The following ZNF335 variants were observed in gnomAD, a reference collection of about 807,000 sequenced individuals.
The protein encoded by ZNF335 is zinc finger protein 335.
In ZNF335, 84 loss-of-function variants were observed where a neutral mutation model predicts 145.6. The ratio of observed to expected loss-of-function variants is 0.58; its 90% confidence interval spans 0.48 to 0.69. The LOEUF is 0.69. ZNF335 is among the 30% of genes least tolerant of loss of function. ZNF335 has a pLI of 0.00. For synonymous variants in ZNF335, 761 were observed against 717.0 expected (o/e 1.06, Z -0.98); for missense variants, 1,865 against 1,809.7 (o/e 1.03, Z -0.55).
chr20:45,956,305 C>A (rs1441831841), intron 17 of ZNF335, among the ~76,000 whole-genome samples: 3 of 151,730 alleles, frequency 2.0e-5, no homozygotes, highest in African/African-American at 7.3e-5. Flanking sequence ...CTCGGCTCAC[C>A]GTAACCTCCG....
In ZNF335 at chr20:45,949,387, G is replaced by C. The variant is rs373911621; in HGVS notation, c.3765C>G (p.Gly1255=). ...PEGHHIQVQE[G]QITHIQYEQG... is the part of the protein sequence containing the mutation. ...GTTCATACTGGATGTGTGTGATCTG[G>C]CCCTCCTGTACCTGCAGAGAGGAAG... The change falls in exon 26 of 28, where the codon GGC becomes GGG. Residue 1255 remains glycine (G), a synonymous_variant. Transcript: ENST00000322927. 8.1e-6 allele frequency: 13 copies of C among 1,613,972 alleles called. No individual in the cohort carries two copies. Among genetic ancestry groups the C allele is most frequent in the Non-Finnish European group, 1.1e-5 (13 of 1,180,030 alleles).
In ZNF335 at chr20:45,950,340, G is replaced by C. The variant is rs1055761936; in HGVS notation, c.3366C>G (p.Ile1122Met). Reference protein sequence around the residue: ...FNRNGHLKFHIQRLHSPDGRK... With the variant: ...FNRNGHLKFHMQRLHSPDGRK... ...TCCCATCAGGACTGTGCAGCCGCTGGATGTGGAACTTGAGGTGCCCGTTAC... is the reference window on the plus strand; with the variant it reads ...TCCCATCAGGACTGTGCAGCCGCTGCATGTGGAACTTGAGGTGCCCGTTAC... The change falls in exon 22 of 28, where the codon ATC becomes ATG. Residue 1122 changes from isoleucine (I) to methionine (M), a missense_variant. Physicochemically the swap from Ile to Met is conservative, Grantham distance 10. Coordinates refer to ENST00000322927, the MANE Select transcript of ZNF335 (RefSeq NM_022095.4). 3 of 1,585,438 alleles carry C rather than the reference G, an allele frequency of 1.9e-6. No individual in the cohort carries two copies. The highest frequency in any genetic ancestry group is 2.6e-6 in the Non-Finnish European group (3 of 1,163,406).
intron 2 of ZNF335, among the ~76,000 whole-genome samples, chr20:45,970,526 G>A (rs1396417670): frequency 5.3e-5 from 8 of 152,154 alleles, no homozygotes; most frequent in African/African-American, 1.4e-4. Flanking sequence ...TACAGACGAG[G>A]AAACAGAGCT....
chr20:45,950,895 G>T (rs1292394867), intron 20 of ZNF335, among the ~76,000 whole-genome samples: 1 of 152,006 alleles, frequency 6.6e-6, no homozygotes, highest in Non-Finnish European at 1.5e-5. Flanking sequence ...ATCGGGCCCT[G>T]AATTTTTTTT....
Position 45,960,623 on chromosome 20 carries a change from C to T in ZNF335, c.1775G>A (p.Cys592Tyr), listed in dbSNP as rs1368432056. ...KTHSTEKPHM[C>Y]DKCGKSFKKR... is the part of the protein sequence containing the mutation. ...GCCCTGGCTCCCACCCACCTTGTCA[C>T]ACATGTGGGGCTTCTCAGTGCTGTG... Residue 592 changes from cysteine to tyrosine, a missense_variant, in exon 12 of 28, where the codon TGT becomes TAT. Transcript: ENST00000322927. 6.8e-6 allele frequency: 11 copies of T among 1,614,024 alleles called. No homozygotes were observed. Among genetic ancestry groups the T allele is most frequent in the Non-Finnish European group, 8.5e-7 (1 of 1,180,002 alleles).
Position 45,965,781 on chromosome 20 carries a change from G to T in ZNF335, c.956-7C>A, listed in dbSNP as rs987913040. 4 of 1,597,444 alleles carry T rather than the reference G, an allele frequency of 2.5e-6. No homozygotes were observed. The Admixed American group carries it at 6.9e-5, about 27-fold the overall frequency. ...GGATTATAGTCGCTATCCTCTGTGGGGGACAGTAAAGTTGGTGAACAGTGA... is the reference window on the plus strand; with the variant it reads ...GGATTATAGTCGCTATCCTCTGTGGTGGACAGTAAAGTTGGTGAACAGTGA... On this transcript the variant is annotated splice_polypyrimidine_tract_variant and splice_region_variant and intron_variant, in intron 6 of 27. Transcript: ENST00000322927.
In ZNF335 at chr20:45,952,700, G is replaced by C; in HGVS notation, c.2712C>G (p.Pro904=). The change falls in exon 19 of 28, where the codon CCC becomes CCG. Residue 904 remains proline, a synonymous_variant. Transcript: ENST00000322927. ...CCACAGCCTGGGCTGCCTCTCCTGC[G>C]GGCTCCTCGCTGTGGGCATGGAGAA... is the stretch of plus-strand genomic sequence containing the variant. The part of the protein sequence containing the change: ...SAPGTPYSEE[P]AGEAAQAVVV... 1 of 1,613,560 alleles carries C rather than the reference G, an allele frequency of 6.2e-7. No individual in the cohort carries two copies. Among genetic ancestry groups the C allele is most frequent in the Non-Finnish European group, 8.5e-7 (1 of 1,179,956 alleles).
chr20:45,958,306 C>G (rs2083765607), intron 15 of ZNF335, among the ~76,000 whole-genome samples: 1 of 152,222 alleles, frequency 6.6e-6, no homozygotes, highest in African/African-American at 2.4e-5. Flanking sequence ...CTCGGCCTCC[C>G]AAAGTGCTGG....
intron 2 of ZNF335, among the ~76,000 whole-genome samples, chr20:45,970,820 G>A (rs1373098262): frequency 1.3e-5 from 2 of 149,258 alleles, no homozygotes; most frequent in Non-Finnish European, 3.0e-5. Context: ...CCAACTCCTG[G>A]GCTCAAGTGA....
chr20:45,963,865 G>A lies in ZNF335; in HGVS notation c.1228C>T (p.Pro410Ser). The change falls in exon 8 of 28, where the codon CCT becomes TCT. Residue 410 changes from proline (P) to serine (S), a missense_variant. Coordinates refer to ENST00000322927, the MANE Select transcript of ZNF335 (RefSeq NM_022095.4). ...LVAMGKVSRTPVEAGVSQSDA... is the reference protein window; with the variant it reads ...LVAMGKVSRTSVEAGVSQSDA... ...GACTGGCTCACACCAGCTTCCACAG[G>A]GGTCCTGCTCACCTTGCCCATGGCC... The A allele has an allele frequency of 6.2e-7, 1 of 1,611,162 alleles. No individual in the cohort carries two copies. Among genetic ancestry groups the A allele is most frequent in the Non-Finnish European group, 8.5e-7 (1 of 1,178,252 alleles).
chr20:45,951,119 C>T (rs1286985541), intron 20 of ZNF335, among the ~76,000 whole-genome samples: 7 of 152,182 alleles, frequency 4.6e-5, no homozygotes, highest in Admixed American at 2.0e-4. Flanking sequence ...CTCAAACTCC[C>T]GACCTCAGGT....
In ZNF335 at chr20:45,952,516, G is replaced by T. The variant is rs769123306; in HGVS notation, c.2820C>A (p.Thr940=). The stretch of plus-strand genomic sequence containing the variant: ...TTGGGAAGGAGATGGAGCCATCTGC[G>T]GTGAGCTGTAGAGAGACAGGGAGCA... The part of the protein sequence containing the change: ...DGTQLHHIEL[T]ADGSISFPSP... Residue 940 remains threonine, a synonymous_variant, in exon 20 of 28, where the codon ACC becomes ACA. Coordinates refer to ENST00000322927, the MANE Select transcript of ZNF335 (RefSeq NM_022095.4). The T allele has an allele frequency of 1.9e-6, 3 of 1,584,260 alleles. No homozygotes were observed. Among genetic ancestry groups the T allele is most frequent in the South Asian group, 1.2e-5 (1 of 86,606 alleles).
chr20:45,958,298 C>T (rs1392261206), intron 15 of ZNF335, among the ~76,000 whole-genome samples: 3 of 152,202 alleles, frequency 2.0e-5, no homozygotes, highest in Non-Finnish European at 2.9e-5. Context: ...CCACCCACCT[C>T]GGCCTCCCAA....
intron 7 of ZNF335, 122 bp from the exon 8 acceptor site, chr20:45,964,112 ATT>A (rs1234677385): frequency 8.4e-7 from 1 of 1,189,478 alleles, no homozygotes; most frequent in Non-Finnish European, 1.1e-6. Context: ...TGATGGGTGC[ATT>A]GAGTCACATG....
At position 45,969,191 on chromosome 20, in the gene ZNF335, T is replaced by C. The variant is rs573488789; in HGVS notation, c.442+260A>G. 3.9e-5 allele frequency among the ~76,000 whole-genome samples: 6 copies of C among 152,356 alleles called. No individual in the cohort carries two copies. In the East Asian group the frequency reaches 1.2e-3, roughly 29 times the overall value. On this transcript the variant is annotated intron_variant, in intron 3 of 27. Coordinates refer to ENST00000322927, the MANE Select transcript of ZNF335 (RefSeq NM_022095.4). The stretch of plus-strand genomic sequence containing the variant: ...TAAATGAGCTACTGTATGTAAAGTT[T>C]AGAACAGTCCTGGGCACAAGGTAAG...
chr20:45,961,227 G>A (rs1451127884), intron 10 of ZNF335, among the ~76,000 whole-genome samples: 1 of 152,126 alleles, frequency 6.6e-6, no homozygotes, highest in Non-Finnish European at 1.5e-5. Context: ...AAAAAAATTA[G>A]TAAATAATAA....
Position 45,959,268 on chromosome 20 carries a change from A to G in ZNF335, c.2186T>C (p.Ile729Thr). Residue 729 changes from isoleucine to threonine, a missense_variant, in exon 15 of 28, where the codon ATT becomes ACT. Coordinates refer to ENST00000322927, the MANE Select transcript of ZNF335 (RefSeq NM_022095.4). The part of the protein sequence containing the change: ...RRRPFFSLQQ[I>T]EELKQQHSAA... ...ACTGTGCTGCTGCTTCAGCTCCTCA[A>G]TCTGCTGCAGAGAGAAGAAGGGGCG... The G allele has an allele frequency of 6.6e-7, 1 of 1,522,786 alleles. No homozygotes were observed. Among genetic ancestry groups the G allele is most frequent in the Non-Finnish European group, 8.9e-7 (1 of 1,127,960 alleles). 94.3% of individuals were successfully genotyped at this position (1,522,786 alleles called of 1,614,324 possible). A position where few individuals can be genotyped will look rare whatever the true frequency, so the allele number is the denominator to read the frequency against.
chr20:45,962,019 C>A, intron 10 of ZNF335, 51 bp downstream of exon 10: 2 of 1,169,366 alleles, frequency 1.7e-6, no homozygotes, highest in Non-Finnish European at 1.3e-6. Context: ...CCTCCACTTC[C>A]CCACCCAACC....
Position 45,972,128 on chromosome 20 carries a change from C to G in ZNF335, c.-57G>C. 1.6e-6 allele frequency: 2 copies of G among 1,289,586 alleles called. No individual in the cohort carries two copies. The highest frequency in any genetic ancestry group is 2.0e-6 in the Non-Finnish European group (2 of 988,770). 79.9% of individuals were successfully genotyped at this position (1,289,586 alleles called of 1,614,324 possible). On this transcript the variant is annotated 5_prime_UTR_variant, in exon 1 of 28. Coordinates refer to ENST00000322927, the MANE Select transcript of ZNF335 (RefSeq NM_022095.4). ...AACTCTACCCGAAGCTCACCCGAGG[C>G]TTTCGTAGCCACGTTCCTCTCTGAC...
Sources: allele counts gnomAD v4.1 joint callset (sites outside exome capture counted in the v4.1 genomes callset), GRCh38; gene constraint gnomAD v4.1.1; transcripts MANE v1.5; gene names NCBI Gene and HGNC (gene_info 2026-07-23, HGNC 2026-07-21).